SND1: variants seen among roughly 807,000 people sequenced by gnomAD.
SND1 encodes the protein staphylococcal nuclease and tudor domain containing 1, also known as staphylococcal nuclease domain-containing protein 1.
A neutral mutation model predicts 121.7 loss-of-function variants in SND1; 38 were observed. The ratio of observed to expected loss-of-function variants is 0.31; its 90% CI spans 0.24 to 0.41. The LOEUF (loss-of-function observed/expected upper bound fraction) is 0.41. Ranked by LOEUF, SND1 falls within the 10% of genes least tolerant of loss-of-function variation. The pLI is 1.00. For synonymous variants in SND1, 401 were observed against 447.4 expected (o/e 0.90, Z 1.31); for missense variants, 868 against 1,184.6 (o/e 0.73, Z 3.92).
At chr7:127,852,168 TAAAATAAAATAAA>T (rs1799175849) in intron 12 of SND1, among the ~76,000 whole-genome samples, 1 of 78,798 alleles carries the variant, frequency 1.3e-5, no homozygotes, top group Non-Finnish European at 3.5e-5. Flanking sequence ...TCCAAAAAAA[TAAAATAAAATAAA>T]TAAAATAAAA....
intron 12 of SND1, 49 bp downstream of exon 12, chr7:127,844,473 G>A: frequency 7.0e-7 from 1 of 1,423,394 alleles, no homozygotes; most frequent in Non-Finnish European, 9.8e-7. Flanking sequence ...AAGTAGCTAA[G>A]AGTTCTTTGC....
chr7:128,048,452 T>G (rs1476465519), intron 16 of SND1, among the ~76,000 whole-genome samples: 19 of 152,210 alleles, frequency 1.2e-4, no homozygotes, highest in Non-Finnish European at 1.9e-4. Flanking sequence ...GCAGGCCTCA[T>G]GTATGACGCC....
chr7:127,886,478 A>G (rs750582281), intron 12 of SND1, among the ~76,000 whole-genome samples: 17 of 152,186 alleles, frequency 1.1e-4, no homozygotes, highest in Middle Eastern at 6.8e-3. Context: ...CAGTCATAGC[A>G]TATGGCACGG....
At chr7:128,032,732 C>T (rs1792665831) in intron 16 of SND1, among the ~76,000 whole-genome samples, 1 of 152,146 alleles carries the variant, frequency 6.6e-6, no homozygotes, top group Admixed American at 6.5e-5. Flanking sequence ...GGACGGCGGC[C>T]GGGGCCACGA....
At chr7:127,998,543 T>C (rs1003884835) in intron 16 of SND1, 2 of 154,108 alleles carry the variant, frequency 1.3e-5, no homozygotes, top group Non-Finnish European at 2.9e-5. Flanking sequence ...AGAGTTAATT[T>C]TGAAGTTCAG....
At chr7:127,825,769 C>T (rs989427615) in intron 11 of SND1, among the ~76,000 whole-genome samples, 1 of 152,076 alleles carries the variant, frequency 6.6e-6, no homozygotes, top group Non-Finnish European at 1.5e-5. Flanking sequence ...ATTATAAAAG[C>T]AATATATGTT....
intron 10 of SND1, among the ~76,000 whole-genome samples, chr7:127,738,661 C>T (rs572425798): frequency 1.3e-5 from 2 of 152,232 alleles, no homozygotes; most frequent in Admixed American, 6.5e-5. Flanking sequence ...ATGAAAGTTG[C>T]ATCTGTTTGC....
intron 14 of SND1, among the ~76,000 whole-genome samples, chr7:127,927,118 T>C (rs2116814670): frequency 6.6e-6 from 1 of 152,176 alleles, no homozygotes; most frequent in Middle Eastern, 3.4e-3. Flanking sequence ...CTTTATAAAG[T>C]AGGTAAGAGT....
chr7:127,998,307 T>C (rs1802726364), intron 16 of SND1: 1 of 241,190 alleles, frequency 4.1e-6, no homozygotes, highest in East Asian at 9.4e-5. Context: ...AAAAAGTCCA[T>C]AGCCAAAACC....
intron 15 of SND1, among the ~76,000 whole-genome samples, chr7:127,934,746 T>A (rs1379973517): frequency 1.3e-5 from 2 of 152,158 alleles, no homozygotes; most frequent in Non-Finnish European, 2.9e-5. Context: ...CGTTTGGTTT[T>A]GGAATATCCA....
chr7:128,077,645 G>A (rs564191574), intron 17 of SND1, among the ~76,000 whole-genome samples: 21 of 152,322 alleles, frequency 1.4e-4, no homozygotes, highest in East Asian at 1.2e-3. Flanking sequence ...CCACCTGACC[G>A]CAAACCCTGG....
intron 16 of SND1, among the ~76,000 whole-genome samples, chr7:128,050,128 G>A (rs888797700): frequency 2.0e-5 from 3 of 152,206 alleles, no homozygotes; most frequent in Non-Finnish European, 4.4e-5. Context: ...TAAAGGAGAC[G>A]TTAACAGGAC....
At chr7:128,040,382 G>C (rs1302231015) in intron 16 of SND1, among the ~76,000 whole-genome samples, 1 of 130,708 alleles carries the variant, frequency 7.7e-6, no homozygotes, top group Non-Finnish European at 1.6e-5. Context: ...GCAGTGACCT[G>C]AGATCGCACC....
intron 16 of SND1, among the ~76,000 whole-genome samples, chr7:128,059,972 T>C (rs186542722): frequency 1.3e-5 from 2 of 152,226 alleles, no homozygotes; most frequent in African/African-American, 4.8e-5. Context: ...TAAGAGGTAA[T>C]GGATTACCAA....
At chr7:127,680,591 G>T (rs186154656) in intron 1 of SND1, among the ~76,000 whole-genome samples, 310 of 151,864 alleles carry the variant, frequency 2.0e-3, no homozygotes, top group Non-Finnish European at 3.6e-3. Context: ...GCTCTGTTCC[G>T]CCCGGCTCAC....
chr7:127,728,479 G>A (rs897047661), intron 10 of SND1, among the ~76,000 whole-genome samples: 1 of 152,224 alleles, frequency 6.6e-6, no homozygotes, highest in Admixed American at 6.5e-5. Context: ...TGCCCTGTGA[G>A]CATTTACTGT....
chr7:127,786,649 T>A (rs1258497585), intron 10 of SND1, among the ~76,000 whole-genome samples: 2 of 152,164 alleles, frequency 1.3e-5, no homozygotes, highest in Non-Finnish European at 2.9e-5. Context: ...GTTTGTTTGT[T>A]TGTTTGTTTT....
At chr7:127,880,716 GGTGT>G (rs10655402) in intron 12 of SND1, among the ~76,000 whole-genome samples, 3 of 149,504 alleles carry the variant, frequency 2.0e-5, no homozygotes, top group Non-Finnish European at 4.5e-5. Context: ...AGAATGCAGG[GGTGT>G]GTGTGTGTGT....
intron 13 of SND1, among the ~76,000 whole-genome samples, chr7:127,894,553 G>A (rs77790319): frequency 3.3e-5 from 5 of 152,206 alleles, no homozygotes; most frequent in Non-Finnish European, 7.4e-5. Flanking sequence ...TGGAAGAGGA[G>A]TATATTGGTT....
Sources: gnomAD v4.1 joint callset for allele counts (sites outside exome capture counted in the v4.1 genomes callset) on GRCh38, gnomAD v4.1.1 for gene constraint, MANE v1.5 for transcripts, NCBI Gene and HGNC (gene_info 2026-07-23, HGNC 2026-07-21) for gene names.